Variants in LRRTM3 observed in about 807,000 individuals in gnomAD.
The protein encoded by LRRTM3 is leucine-rich repeat transmembrane neuronal protein 3.
LRRTM3 carries 24 observed loss-of-function variants against 44.7 expected under a neutral mutation model. The observed-to-expected ratio is 0.54, with a 90% CI of 0.39 to 0.76. The LOEUF is 0.76. Ranked by LOEUF, LRRTM3 falls within the 30% of genes least tolerant of loss-of-function variation. The pLI is 0.00. For missense variants in LRRTM3, 587 were observed against 702.2 expected (o/e 0.84, Z 1.85); for synonymous variants, 277 against 278.7 (o/e 0.99, Z 0.06).
Position 66,926,554 on chromosome 10 carries a change from C to T in LRRTM3, c.-30C>T. ...CTGGCCCCTAAGCCAAAGCAAAAGA[C>T]CTAAGGACGACCTTTGAACAATACA... On this transcript the variant is annotated 5_prime_UTR_variant, in exon 1 of 3. Coordinates refer to ENST00000361320, the MANE Select transcript of LRRTM3 (RefSeq NM_178011.5). 1 of 1,613,690 alleles carries T rather than the reference C, an allele frequency of 6.2e-7. No homozygotes were observed. The highest frequency in any genetic ancestry group is 8.5e-7 in the Non-Finnish European group (1 of 1,179,870).
chr10:66,930,044 C>T (rs1484056063), intron 2 of LRRTM3, among the ~76,000 whole-genome samples: 1 of 151,738 alleles, frequency 6.6e-6, no homozygotes, highest in East Asian at 1.9e-4. Context: ...AAGTGAATGG[C>T]TATTTTTACT....
At chr10:67,004,684 ACTG>A (rs1209803248) in intron 2 of LRRTM3, among the ~76,000 whole-genome samples, 1 of 152,178 alleles carries the variant, frequency 6.6e-6, no homozygotes, top group African/African-American at 2.4e-5. Context: ...TCTAACAAAT[ACTG>A]CTTTCAAAAG....
chr10:67,093,852 C>G (rs914947025), intron 2 of LRRTM3, among the ~76,000 whole-genome samples: 3 of 151,934 alleles, frequency 2.0e-5, no homozygotes, highest in African/African-American at 7.2e-5. Context: ...GGCACTAACA[C>G]AAATTGTCAT....
chr10:66,993,062 G>A (rs751298488), intron 2 of LRRTM3, among the ~76,000 whole-genome samples: 44 of 152,180 alleles, frequency 2.9e-4, no homozygotes, highest in Middle Eastern at 3.4e-3. Context: ...ACAAAATTCC[G>A]TTTCCCATGG....
chr10:67,063,611 A>G (rs1855893146), intron 2 of LRRTM3, among the ~76,000 whole-genome samples: 1 of 152,324 alleles, frequency 6.6e-6, no homozygotes, highest in South Asian at 2.1e-4. Flanking sequence ...TTAGTTTTAG[A>G]TAATGCATAT....
chr10:67,064,813 G>A (rs571645835), intron 2 of LRRTM3, among the ~76,000 whole-genome samples: 1 of 151,150 alleles, frequency 6.6e-6, no homozygotes, highest in South Asian at 2.2e-4. Context: ...CATTAGATGT[G>A]GTAACTTCTT....
intron 2 of LRRTM3, among the ~76,000 whole-genome samples, chr10:67,078,573 G>A (rs989593664): frequency 1.3e-5 from 2 of 151,958 alleles, no homozygotes; most frequent in Non-Finnish European, 2.9e-5. Context: ...CTGGAGTGCA[G>A]TGGTGCAATC....
intron 2 of LRRTM3, among the ~76,000 whole-genome samples, chr10:67,089,715 A>ATGTGTG (rs775306401): frequency 3.2e-5 from 3 of 93,264 alleles, no homozygotes; most frequent in Admixed American, 1.0e-4. Flanking sequence ...GTGTATATAC[A>ATGTGTG]TATGTGTGTG....
At position 67,101,285 on chromosome 10, in the gene LRRTM3, G is replaced by C. The variant is rs1398254786; in HGVS notation, c.*3489G>C. Among the ~76,000 whole-genome samples, 2 of 151,670 alleles carry C rather than the reference G, an allele frequency of 1.3e-5. No homozygotes were observed. Among genetic ancestry groups the C allele is most frequent in the Non-Finnish European group, 3.0e-5 (2 of 67,774 alleles). On this transcript the variant is annotated 3_prime_UTR_variant, in exon 3 of 3. Coordinates refer to ENST00000361320, the MANE Select transcript of LRRTM3 (RefSeq NM_178011.5). Reference sequence around the variant, plus strand: ...TGCATAATTATAAAAGAGATCCATAGTACAGGGTTGAACACATGTTCAACA... The same window carrying C: ...TGCATAATTATAAAAGAGATCCATACTACAGGGTTGAACACATGTTCAACA...
chr10:67,027,529 G>A (rs890240872), intron 2 of LRRTM3, among the ~76,000 whole-genome samples: 2 of 149,302 alleles, frequency 1.3e-5, no homozygotes, highest in African/African-American at 4.9e-5. Context: ...CTGCTTCCTG[G>A]GTTCAAGTGA....
intron 2 of LRRTM3, among the ~76,000 whole-genome samples, chr10:67,052,016 A>G (rs1304094581): frequency 2.0e-5 from 3 of 151,976 alleles, no homozygotes; most frequent in Non-Finnish European, 4.4e-5. Context: ...CAGCCTCCCA[A>G]AGTGCTGGGA....
intron 2 of LRRTM3, among the ~76,000 whole-genome samples, chr10:67,022,656 G>C (rs1367817017): frequency 1.3e-5 from 2 of 152,072 alleles, no homozygotes; most frequent in East Asian, 3.9e-4. Context: ...ATACACTGAA[G>C]GCCGGGCACG....
chr10:67,008,633 A>G (rs1852145306), intron 2 of LRRTM3, among the ~76,000 whole-genome samples: 1 of 152,154 alleles, frequency 6.6e-6, no homozygotes, highest in Admixed American at 6.6e-5. Flanking sequence ...GGTCTAGGAT[A>G]GCCCCATTCA....
At chr10:66,957,399 T>TATATATATATGC (rs1848855968) in intron 2 of LRRTM3, among the ~76,000 whole-genome samples, 3 of 58,392 alleles carry the variant, frequency 5.1e-5, no homozygotes, top group Admixed American at 1.6e-4. Flanking sequence ...TATACATATA[T>TATATATATATGC]ATATATATAT....
intron 2 of LRRTM3, among the ~76,000 whole-genome samples, chr10:67,038,207 A>G (rs571868016): frequency 6.6e-6 from 1 of 152,244 alleles, no homozygotes; most frequent in Admixed American, 6.5e-5. Context: ...TATAAAATAT[A>G]TTGTATTATT....
chr10:66,994,458 C>T (rs2132948775), intron 2 of LRRTM3, among the ~76,000 whole-genome samples: 1 of 152,132 alleles, frequency 6.6e-6, no homozygotes, highest in Admixed American at 6.5e-5. Context: ...TATTTCATCC[C>T]TCAATTACCA....
At chr10:67,034,174 TC>T (rs774185623) in intron 2 of LRRTM3, among the ~76,000 whole-genome samples, 1 of 152,186 alleles carries the variant, frequency 6.6e-6, no homozygotes, top group Non-Finnish European at 1.5e-5. Flanking sequence ...TAGTTTCCTA[TC>T]CTTTACCATC....
At chr10:67,068,181 G>A (rs1432699791) in intron 2 of LRRTM3, among the ~76,000 whole-genome samples, 1 of 152,140 alleles carries the variant, frequency 6.6e-6, no homozygotes, top group East Asian at 1.9e-4. Flanking sequence ...GAGAAGGGGG[G>A]AAGGATATAT....
At position 67,030,477 on chromosome 10, in the gene LRRTM3, A is replaced by C. The variant is rs1015324555; in HGVS notation, c.1537-67110A>C. Among the ~76,000 whole-genome samples the C allele has an allele frequency of 2.0e-5, 3 of 152,136 alleles. No homozygotes were observed. The East Asian group carries it at 5.8e-4, about 29-fold the overall frequency. On this transcript the variant is annotated intron_variant, in intron 2 of 2. Transcript: ENST00000361320. ...TATTTATACATTATGTGTATATAAT[A>C]TATTCACACCCACACAAAAAATATA...
Sources: allele counts gnomAD v4.1 joint callset (sites outside exome capture counted in the v4.1 genomes callset), GRCh38; gene constraint gnomAD v4.1.1; transcripts MANE v1.5; gene names NCBI Gene and HGNC (gene_info 2026-07-23, HGNC 2026-07-21).